Variants in HUWE1 observed in about 807,000 individuals in gnomAD.
HUWE1 encodes the protein E3 ubiquitin-protein ligase HUWE1.
A neutral mutation model predicts 299.4 loss-of-function variants in HUWE1; 18 were observed. The ratio of observed to expected loss-of-function variants is 0.06; its 90% confidence interval spans 0.04 to 0.09. The LOEUF is 0.09. Ranked by LOEUF, HUWE1 falls within the 10% of genes least tolerant of loss-of-function variation. The pLI, the probability that HUWE1 is intolerant of heterozygous loss-of-function variation, is 1.00. For synonymous variants in HUWE1, 1,317 were observed against 1,286.1 expected (o/e 1.02, Z -0.51); for missense variants, 1,832 against 3,462.3 (o/e 0.53, Z 11.82).
intron 7 of HUWE1, among the ~76,000 whole-genome samples, chrX:53,644,892 C>T (rs2067863787): frequency 9.0e-6 from 1 of 111,710 alleles, no homozygotes; most frequent in Non-Finnish European, 1.9e-5. Context: ...CACTGAGTAC[C>T]CCACAATTCA....
chrX:53,574,339 G>C (rs1023030048), intron 46 of HUWE1, among the ~76,000 whole-genome samples: 2 of 112,294 alleles, frequency 1.8e-5, no homozygotes, highest in Non-Finnish European at 3.8e-5. Context: ...ATGCTTTCCT[G>C]TCTCATCTAG....
intron 3 of HUWE1, among the ~76,000 whole-genome samples, chrX:53,661,668 A>G (rs1276588500): frequency 8.9e-6 from 1 of 112,643 alleles, no homozygotes; most frequent in Non-Finnish European, 1.9e-5. Context: ...TCAGGGCACC[A>G]AGCAATCTCT....
At position 53,629,512 on chromosome X, in the gene HUWE1, T is replaced by C. The variant is rs782499147; in HGVS notation, c.963+4A>G. The C allele has an allele frequency of 8.8e-7, 1 of 1,133,090 alleles. No individual in the cohort carries two copies. The highest frequency in any genetic ancestry group is 3.0e-5 in the East Asian group (1 of 33,373). 93.4% of individuals were successfully genotyped at this position (1,133,090 alleles called of 1,213,427 possible). A position where few individuals can be genotyped will look rare whatever the true frequency, so the allele number is the denominator to read the frequency against. ...AAGGGTTACTCAACCTGTAAAATAC[T>C]TACCATAAGCTGCTTATCCGTTATC... On this transcript the variant is annotated splice_donor_region_variant and intron_variant, in intron 13 of 83. Coordinates refer to ENST00000262854, the MANE Select transcript of HUWE1 (RefSeq NM_031407.7).
chrX:53,624,952 G>GA (rs1165224549), intron 18 of HUWE1, among the ~76,000 whole-genome samples: 5 of 111,263 alleles, frequency 4.5e-5, no homozygotes, highest in African/African-American at 1.6e-4. Flanking sequence ...TGGAAAAGGG[G>GA]AAAAAAAGGG....
At chrX:53,577,476 A>AAAAAAAAAAC (rs2063171981) in intron 43 of HUWE1, among the ~76,000 whole-genome samples, 1 of 85,609 alleles carries the variant, frequency 1.2e-5, no homozygotes, top group African/African-American at 4.2e-5. Context: ...AAAAAAAAAA[A>AAAAAAAAAAC]CTCCCTCTCC....
intron 23 of HUWE1, 54 bp downstream of exon 23, chrX:53,614,480 G>A: frequency 1.1e-6 from 1 of 874,399 alleles, no homozygotes; most frequent in Non-Finnish European, 1.7e-6. Flanking sequence ...ACTTAGAGAG[G>A]TGATAACATG....
At chrX:53,681,231 C>T (rs910682408) in intron 2 of HUWE1, among the ~76,000 whole-genome samples, 1 of 110,107 alleles carries the variant, frequency 9.1e-6, no homozygotes, top group African/African-American at 3.3e-5. Context: ...GTCAGGAGAT[C>T]GAGACCATCC....
At chrX:53,550,799 G>A in intron 65 of HUWE1, 31 bp from the exon 66 acceptor site, 1 of 1,196,889 alleles carries the variant, frequency 8.4e-7, no homozygotes, top group Non-Finnish European at 1.1e-6. Context: ...AACTGAGATT[G>A]TGGAGAGGGT....
chrX:53,536,152 T>C lies in HUWE1; in HGVS notation c.12526A>G (p.Thr4176Ala). 1 of 1,168,549 alleles carries C rather than the reference T, an allele frequency of 8.6e-7. No homozygotes were observed. Among genetic ancestry groups the C allele is most frequent in the Non-Finnish European group, 1.2e-6 (1 of 856,288 alleles). ...STLGYDLTFS[T>A]EVQEFGVCEV... ...ATTAGGATTTCCTGACCTACCTCAGTGCTGAAGGTGAGGTCATAGCCTAGT... is the reference window on the plus strand; with the variant it reads ...ATTAGGATTTCCTGACCTACCTCAGCGCTGAAGGTGAGGTCATAGCCTAGT... The change falls in exon 80 of 84, where the codon ACT becomes GCT. Residue 4176 changes from threonine (T) to alanine (A), a missense_variant. Around this residue, in one of 15 missense-constraint regions of HUWE1, gnomAD observed 129 missense variants for 439.4 expected, o/e 0.29. Coordinates refer to ENST00000262854, the MANE Select transcript of HUWE1 (RefSeq NM_031407.7).
intron 76 of HUWE1, 23 bp from the exon 77 acceptor site, chrX:53,538,477 G>A: frequency 9.6e-7 from 1 of 1,042,186 alleles, no homozygotes; most frequent in Non-Finnish European, 1.3e-6. Context: ...GTGACAGCAG[G>A]AATTAAGCAC....
chrX:53,582,555 G>A (rs1280404405), intron 42 of HUWE1, among the ~76,000 whole-genome samples: 2 of 112,564 alleles, frequency 1.8e-5, no homozygotes, highest in Non-Finnish European at 3.7e-5. Flanking sequence ...TCTTAAACAT[G>A]AACAAAGTTA....
intron 33 of HUWE1, 70 bp from the exon 34 acceptor site, chrX:53,591,192 CT>C: frequency 8.8e-7 from 1 of 1,132,681 alleles, no homozygotes; most frequent in Non-Finnish European, 1.2e-6. Flanking sequence ...AGGAAGGAAC[CT>C]TTTCAAGATG....
In HUWE1 at chrX:53,628,655, A is replaced by G. The variant is rs782027990; in HGVS notation, c.1115-35T>C. On this transcript the variant is annotated intron_variant, in intron 14 of 83. Coordinates refer to ENST00000262854, the MANE Select transcript of HUWE1 (RefSeq NM_031407.7). ...AGGTGGGGAGAGGGAGAACAAAAAC[A>G]AGCTCAAAATTGCTGTTAAGCAGGC... 27 of 1,198,164 alleles carry G rather than the reference A, an allele frequency of 2.3e-5. No homozygotes were observed. In the Middle Eastern group the frequency reaches 6.9e-4, roughly 31 times the overall value.
intron 30 of HUWE1, among the ~76,000 whole-genome samples, chrX:53,594,833 T>C (rs1451756641): frequency 8.9e-6 from 1 of 111,809 alleles, no homozygotes; most frequent in African/African-American, 3.3e-5. Flanking sequence ...AAAGTACATG[T>C]TCATGGGAGC....
At chrX:53,655,243 G>A (rs1330034569) in intron 3 of HUWE1, among the ~76,000 whole-genome samples, 8 of 109,903 alleles carry the variant, frequency 7.3e-5, no homozygotes, top group Middle Eastern at 4.2e-3. Flanking sequence ...TTCCTCCCCC[G>A]AGAAGGCTGC....
intron 47 of HUWE1, 46 bp downstream of exon 47, chrX:53,573,704 G>T: frequency 9.5e-7 from 1 of 1,048,813 alleles, no homozygotes; most frequent in Non-Finnish European, 1.3e-6. Context: ...GTACCCAAAT[G>T]ATGGAAGTAC....
chrX:53,667,919 T>C (rs2069327206), intron 3 of HUWE1, among the ~76,000 whole-genome samples: 1 of 111,659 alleles, frequency 9.0e-6, no homozygotes, highest in Non-Finnish European at 1.9e-5. Flanking sequence ...CTAAAGAAAG[T>C]TAAGACACTG....
chrX:53,574,013 C>CA, intron 46 of HUWE1, 49 bp from the exon 47 acceptor site: 1 of 1,050,085 alleles, frequency 9.5e-7, no homozygotes, highest in Non-Finnish European at 1.3e-6. Context: ...GGAACACTGG[C>CA]AAAATCAAGT....
intron 3 of HUWE1, among the ~76,000 whole-genome samples, chrX:53,662,792 T>C (rs1239409032): frequency 1.8e-5 from 2 of 112,034 alleles, no homozygotes; most frequent in Non-Finnish European, 3.8e-5. Flanking sequence ...TTATTTGCTC[T>C]AGCATTTAAA....
Sources: allele counts gnomAD v4.1 joint callset (sites outside exome capture counted in the v4.1 genomes callset), GRCh38; gene constraint gnomAD v4.1.1; regional missense constraint gnomAD v4.1.1; transcripts MANE v1.5; gene names NCBI Gene and HGNC (gene_info 2026-07-23, HGNC 2026-07-21).